Variants in CFAP58 observed in about 807,000 individuals in gnomAD.
CFAP58 encodes the protein cilia- and flagella-associated protein 58.
A neutral mutation model predicts 119.5 loss-of-function variants in CFAP58; 88 were observed. The observed-to-expected ratio is 0.74, with a 90% CI of 0.62 to 0.88. The LOEUF (loss-of-function observed/expected upper bound fraction) is 0.88, where lower values mean the gene tolerates loss of function less well. CFAP58 is among the 40% of genes least tolerant of loss of function. The pLI is 0.00. For synonymous variants in CFAP58, 365 were observed against 366.3 expected (o/e 1.00, Z 0.04); for missense variants, 990 against 1,021.2 (o/e 0.97, Z 0.42).
At chr10:104,382,048 A>G (rs1036992198) in intron 9 of CFAP58, 8 of 714,454 alleles carry the variant, frequency 1.1e-5, no homozygotes, top group African/African-American at 7.0e-5. Context: ...GTTCGCAGCA[A>G]TAAAGATCTA....
At chr10:104,370,220 TA>T (rs2014804056) in intron 6 of CFAP58, among the ~76,000 whole-genome samples, 1 of 152,244 alleles carries the variant, frequency 6.6e-6, no homozygotes, top group Non-Finnish European at 1.5e-5. Context: ...AAAATTCACA[TA>T]TTTTTGATAC....
At chr10:104,348,583 G>T in the CFAP58 span, among the ~76,000 whole-genome samples, 5 of 152,134 alleles carry the variant, frequency 3.3e-5, no homozygotes, top group African/African-American at 1.2e-4. Context: ...TCCTTCCAAG[G>T]CTCTCTGCTA....
intron 8 of CFAP58, 142 bp downstream of exon 8, chr10:104,377,035 T>C: frequency 5.1e-6 from 3 of 589,180 alleles, no homozygotes; most frequent in Non-Finnish European, 8.9e-6. Flanking sequence ...AATTTTCCTC[T>C]AAGCAGCTGC....
Position 104,406,642 on chromosome 10 carries a change from T to A in CFAP58, c.2152-47T>A, listed in dbSNP as rs763870884. The A allele has an allele frequency of 9.3e-6, 14 of 1,504,068 alleles. No individual in the cohort carries two copies. The African/African-American group carries it at 1.8e-4, about 19-fold the overall frequency. The allele number at this position is 1,504,068 out of a possible 1,614,324, so 93.2% of individuals were successfully genotyped here. A position where few individuals can be genotyped will look rare whatever the true frequency, so the allele number is the denominator to read the frequency against. On this transcript the variant is annotated intron_variant, in intron 14 of 17. Coordinates refer to ENST00000369704, the MANE Select transcript of CFAP58 (RefSeq NM_001008723.2). ...CATTTTACATAGAGGCCTCAGTGCT[T>A]TGAAGCTGATGATATCTCAGCTGCT...
intron 11 of CFAP58, 87 bp from the exon 12 acceptor site, chr10:104,399,273 A>G: frequency 6.9e-7 from 1 of 1,439,058 alleles, no homozygotes; most frequent in East Asian, 2.3e-5. Context: ...AGTAAGAAGC[A>G]CAACTGTACA....
upstream of CFAP58, among the ~76,000 whole-genome samples, chr10:104,348,875 A>T (rs1464967233): frequency 6.6e-6 from 1 of 152,226 alleles, no homozygotes; most frequent in African/African-American, 2.4e-5. Context: ...ACAGTTACTT[A>T]TACAGCAGAG....
rs569333238 is a variant in CFAP58 at position 104,392,877 on chromosome 10, G to A, written c.1528-452G>A. Among the ~76,000 whole-genome samples the A allele has an allele frequency of 1.0e-3, 153 of 152,224 alleles. 3 individuals are homozygous for A. In the South Asian group the frequency reaches 0.031, roughly 31 times the overall value. On this transcript the variant is annotated intron_variant, in intron 10 of 17. Coordinates refer to ENST00000369704, the MANE Select transcript of CFAP58 (RefSeq NM_001008723.2). Reference sequence around the variant, plus strand: ...GCTGGTCTCGAACTCCTGACCTCAAGCGATCCACCTGCCTTGGCCTCCCAA... The same window carrying A: ...GCTGGTCTCGAACTCCTGACCTCAAACGATCCACCTGCCTTGGCCTCCCAA...
rs141682643 is a variant in CFAP58, at chr10:104,385,130, A to G, written c.1365+4910A>G. Among the ~76,000 whole-genome samples the G allele has an allele frequency of 3.7e-3, 566 of 152,268 alleles. 1 individual carries two copies. Among genetic ancestry groups the G allele is most frequent in the African/African-American group, 0.013 (540 of 41,562 alleles). ...GAGGATGTGAGGTGACACATCCCAG[A>G]AAAAGGACAGTATGTGCAAGAGACA... On this transcript the variant is annotated intron_variant, in intron 9 of 17. Transcript: ENST00000369704.
At chr10:104,382,927 A>G (rs79571544) in intron 9 of CFAP58, among the ~76,000 whole-genome samples, 3,008 of 152,326 alleles carry the variant, frequency 0.02, 110 homozygotes, top group African/African-American at 0.068. Flanking sequence ...TCAGTGGCAC[A>G]TGGGAATAAG....
Position 104,362,055 on chromosome 10 carries a change from A to G in CFAP58, c.324A>G (p.Ser108=). The G allele has an allele frequency of 6.2e-7, 1 of 1,614,096 alleles. No individual in the cohort carries two copies. Among genetic ancestry groups the G allele is most frequent in the Non-Finnish European group, 8.5e-7 (1 of 1,179,986 alleles). Residue 108 remains serine, a synonymous_variant, in exon 3 of 18, where the codon TCA becomes TCG. Transcript: ENST00000369704. ...AAAAGGCCTGGAAGATGGTGGACTC[A>G]GCCTATGACAAAGAGCAGAAGGCCA... ...EIEKAWKMVD[S]AYDKEQKAKE... is the part of the protein sequence containing the mutation.
chr10:104,357,858 C>T (rs199626029), intron 1 of CFAP58, among the ~76,000 whole-genome samples: 8,868 of 76,404 alleles, frequency 0.12, 727 homozygotes, highest in African/African-American at 0.28. Context: ...CACATATATA[C>T]ACATATATAC....
intron 14 of CFAP58, among the ~76,000 whole-genome samples, chr10:104,406,065 C>G (rs1240286236): frequency 1.3e-5 from 2 of 152,122 alleles, no homozygotes; most frequent in Non-Finnish European, 2.9e-5. Flanking sequence ...CCACTGCACT[C>G]CAGCCTGGGC....
At chr10:104,443,966 A>T (rs534187692) in intron 15 of CFAP58, among the ~76,000 whole-genome samples, 3 of 152,368 alleles carry the variant, frequency 2.0e-5, no homozygotes, top group South Asian at 2.1e-4. Flanking sequence ...TCATAATCAC[A>T]TCTGATGGCC....
intron 15 of CFAP58, among the ~76,000 whole-genome samples, chr10:104,420,346 A>G (rs557113144): frequency 6.6e-6 from 1 of 152,332 alleles, no homozygotes; most frequent in South Asian, 2.1e-4. Flanking sequence ...TGGCGCTGGT[A>G]AGCTCGATTA....
chr10:104,382,504 C>G (rs2011831526), intron 9 of CFAP58: 1 of 324,636 alleles, frequency 3.1e-6, no homozygotes, highest in African/African-American at 2.1e-5. Context: ...TCACCTCTCC[C>G]TGGGGCAGGG....
At chr10:104,429,902 T>C (rs2133077705) in intron 15 of CFAP58, among the ~76,000 whole-genome samples, 1 of 152,228 alleles carries the variant, frequency 6.6e-6, no homozygotes, top group South Asian at 2.1e-4. Context: ...CTCTCCTCTT[T>C]TGCCTGCTCT....
chr10:104,433,345 C>A (rs2012880606), intron 15 of CFAP58, among the ~76,000 whole-genome samples: 2 of 152,154 alleles, frequency 1.3e-5, no homozygotes, highest in Admixed American at 6.5e-5. Context: ...ACCTTAGCCT[C>A]CCAGAGCACC....
rs549535309 is a variant in CFAP58, at chr10:104,366,116, C to T, written c.792+108C>T. 1.8e-4 allele frequency: 175 copies of T among 990,634 alleles called. 1 individual carries two copies. The South Asian group carries it at 3.2e-3, about 18-fold the overall frequency. The allele number at this position is 990,634 out of a possible 1,614,324, so 61.4% of individuals were successfully genotyped here. A position where few individuals can be genotyped will look rare whatever the true frequency, so the allele number is the denominator to read the frequency against. On this transcript the variant is annotated intron_variant, in intron 5 of 17. Coordinates refer to ENST00000369704, the MANE Select transcript of CFAP58 (RefSeq NM_001008723.2). ...CTCTTGGAAAGCAGCAAATTCCCTT[C>T]ACTACTCGTGCTGATGATGTAAAAC...
At chr10:104,380,290 A>T in intron 9 of CFAP58, 70 bp downstream of exon 9, 1 of 1,328,928 alleles carries the variant, frequency 7.5e-7, no homozygotes, top group Middle Eastern at 2.6e-4. Flanking sequence ...GATGGTCACA[A>T]ACTGTTGCAA....
Sources: gnomAD v4.1 joint callset for allele counts (sites outside exome capture counted in the v4.1 genomes callset) on GRCh38, gnomAD v4.1.1 for gene constraint, MANE v1.5 for transcripts, NCBI Gene and HGNC (gene_info 2026-07-23, HGNC 2026-07-21) for gene names.